SHLD1: variants seen among roughly 807,000 people sequenced by gnomAD.
SHLD1 encodes the protein shieldin complex subunit 1, also known as RINN1-REV7-interacting novel NHEJ regulator 3.
SHLD1 carries 3 observed loss-of-function variants against 5.5 expected under a neutral mutation model. The ratio of observed to expected loss-of-function variants is 0.54; its 90% CI spans 0.25 to 1.40. SHLD1 has a LOEUF of 1.40. SHLD1 is among the 40% of genes most tolerant of loss of function. The probability of loss-of-function intolerance (pLI) is 0.15; values close to 1 mark genes in which losing one functional copy is unlikely to be tolerated. For missense variants in SHLD1, 210 were observed against 244.4 expected (o/e 0.86, Z 0.94); for synonymous variants, 92 against 94.3 (o/e 0.98, Z 0.14).
chr20:5,830,722 G>C (rs945583244), intron 2 of SHLD1, among the ~76,000 whole-genome samples: 1 of 150,606 alleles, frequency 6.6e-6, no homozygotes, highest in African/African-American at 2.5e-5. Flanking sequence ...GTAGGTGTTA[G>C]AATGGTGGTA....
rs138824459 is a variant in SHLD1, at chr20:5,759,252, C to T, written c.-5+8773C>T. Among the ~76,000 whole-genome samples the T allele has an allele frequency of 5.1e-3, 769 of 151,492 alleles. 3 individuals are homozygous for T. The highest frequency in any genetic ancestry group is 0.044 in the Middle Eastern group (13 of 294). On this transcript the variant is annotated intron_variant, in intron 1 of 2. Transcript: ENST00000303142. ...ACAGGCATGAGCCACGGTGCCCAGC[C>T]GACACCTTTTTTTAATTAATTTTTT...
At chr20:5,790,597 C>T (rs2087125097) in intron 2 of SHLD1, among the ~76,000 whole-genome samples, 1 of 151,720 alleles carries the variant, frequency 6.6e-6, no homozygotes, top group Non-Finnish European at 1.5e-5. Context: ...GGATTACAGG[C>T]ACCTGCCTCC....
rs1418173238 is a variant in SHLD1 at position 5,843,006 on chromosome 20, G to A, written c.179-20018G>A. On this transcript the variant is annotated intron_variant, in intron 2 of 2. Transcript: ENST00000303142. Reference sequence around the variant, plus strand: ...AATATCTGAAGCCACCATGGGCCTTGTTTGCTGGCTCACTTTGCTTACTCC... The same window carrying A: ...AATATCTGAAGCCACCATGGGCCTTATTTGCTGGCTCACTTTGCTTACTCC... Among the ~76,000 whole-genome samples the A allele has an allele frequency of 3.3e-5, 5 of 152,272 alleles. No homozygotes were observed. In the East Asian group the frequency reaches 9.6e-4, roughly 29 times the overall value.
At chr20:5,854,899 G>C (rs892170447) in intron 2 of SHLD1, among the ~76,000 whole-genome samples, 4 of 108,860 alleles carry the variant, frequency 3.7e-5, no homozygotes, top group African/African-American at 1.8e-4. Context: ...GACAGGTCTT[G>C]TGCAGTCACC....
At chr20:5,758,951 GTT>G (rs903234621) in intron 1 of SHLD1, among the ~76,000 whole-genome samples, 2 of 127,188 alleles carry the variant, frequency 1.6e-5, no homozygotes, top group Admixed American at 8.5e-5. Context: ...TTCTTGACAA[GTT>G]TTTTTTTTTT....
At chr20:5,856,374 G>A (rs1004836617) in intron 2 of SHLD1, among the ~76,000 whole-genome samples, 43 of 152,230 alleles carry the variant, frequency 2.8e-4, no homozygotes, top group Non-Finnish European at 1.3e-4. Context: ...CAGCCCATAG[G>A]GCTGGGCTGG....
At chr20:5,799,357 T>C (rs1042771989) in intron 2 of SHLD1, among the ~76,000 whole-genome samples, 14 of 151,832 alleles carry the variant, frequency 9.2e-5, no homozygotes, top group African/African-American at 3.1e-4. Flanking sequence ...CTGTAGTGCA[T>C]TGGCACCATC....
intron 2 of SHLD1, among the ~76,000 whole-genome samples, chr20:5,856,560 A>G (rs1228374150): frequency 6.6e-6 from 1 of 152,212 alleles, no homozygotes; most frequent in Non-Finnish European, 1.5e-5. Context: ...CCCCTCATAT[A>G]CTAAAAATGA....
At chr20:5,852,860 T>C (rs2088030105) in intron 2 of SHLD1, among the ~76,000 whole-genome samples, 1 of 152,196 alleles carries the variant, frequency 6.6e-6, no homozygotes, top group Non-Finnish European at 1.5e-5. Context: ...CCCCGAGTAT[T>C]ATGTGTGTTG....
intron 2 of SHLD1, among the ~76,000 whole-genome samples, chr20:5,813,626 A>G (rs2087489644): frequency 6.6e-6 from 1 of 152,240 alleles, no homozygotes; most frequent in Non-Finnish European, 1.5e-5. Context: ...TGTGATTAAA[A>G]TATGATGGCC....
intron 2 of SHLD1, among the ~76,000 whole-genome samples, chr20:5,774,356 A>G (rs927620197): frequency 1.3e-5 from 2 of 152,210 alleles, no homozygotes; most frequent in African/African-American, 4.8e-5. Flanking sequence ...CATTGCCTTC[A>G]AGAATTCTAT....
intron 1 of SHLD1, among the ~76,000 whole-genome samples, chr20:5,770,163 G>T (rs558077827): frequency 6.6e-6 from 1 of 152,278 alleles, no homozygotes; most frequent in East Asian, 1.9e-4. Context: ...GAGCCATGAA[G>T]ATCTCAATGC....
intron 1 of SHLD1, among the ~76,000 whole-genome samples, chr20:5,752,293 G>A (rs1349508262): frequency 1.2e-4 from 18 of 152,000 alleles, no homozygotes; most frequent in Admixed American, 1.0e-3. Context: ...CTACTTGGAA[G>A]GCTGAGACAC....
At chr20:5,828,749 C>A (rs2087694640) in intron 2 of SHLD1, among the ~76,000 whole-genome samples, 2 of 152,092 alleles carry the variant, frequency 1.3e-5, no homozygotes, top group Non-Finnish European at 2.9e-5. Flanking sequence ...CATTTCAAAT[C>A]GATTTAGTAA....
At chr20:5,850,935 G>A (rs1024093771) in intron 2 of SHLD1, among the ~76,000 whole-genome samples, 8 of 152,210 alleles carry the variant, frequency 5.3e-5, no homozygotes, top group Non-Finnish European at 1.0e-4. Flanking sequence ...GTATGAAAGG[G>A]AGGGACAAGT....
chr20:5,813,100 T>G (rs1043386584), intron 2 of SHLD1, among the ~76,000 whole-genome samples: 1 of 152,008 alleles, frequency 6.6e-6, no homozygotes, highest in Non-Finnish European at 1.5e-5. Context: ...GCTCTAGAAC[T>G]TCTGGGCTCA....
intron 2 of SHLD1, among the ~76,000 whole-genome samples, chr20:5,839,880 CTGTT>C (rs567936548): frequency 1.8e-3 from 267 of 152,312 alleles, no homozygotes; most frequent in Non-Finnish European, 2.9e-3. Context: ...TCTCCAGTCA[CTGTT>C]TGGTGGAAGA....
chr20:5,820,590 C>T (rs951504620), intron 2 of SHLD1, among the ~76,000 whole-genome samples: 3 of 152,188 alleles, frequency 2.0e-5, no homozygotes, highest in African/African-American at 7.2e-5. Context: ...TTTCACCAGG[C>T]AAACTCAGAG....
chr20:5,772,564 C>T (rs1216533894), intron 1 of SHLD1, among the ~76,000 whole-genome samples: 2 of 152,100 alleles, frequency 1.3e-5, no homozygotes, highest in Non-Finnish European at 2.9e-5. Flanking sequence ...AGAGCAAAAT[C>T]GCACATAAGG....
Sources: gnomAD v4.1 joint callset for allele counts (sites outside exome capture counted in the v4.1 genomes callset) on GRCh38, gnomAD v4.1.1 for gene constraint, MANE v1.5 for transcripts, NCBI Gene and HGNC (gene_info 2026-07-23, HGNC 2026-07-21) for gene names.